Variants in MAP4K4 observed in about 807,000 individuals in gnomAD.
MAP4K4 encodes the protein HPK/GCK-like kinase HGK.
A neutral mutation model predicts 189.6 loss-of-function variants in MAP4K4; 38 were observed. The observed-to-expected ratio is 0.20, with a 90% CI of 0.15 to 0.26. The LOEUF is 0.26. Among genes scored for constraint, MAP4K4 ranks in the 10% least tolerant of loss-of-function variants. MAP4K4 has a pLI of 1.00. For missense variants in MAP4K4, 1,054 were observed against 1,726.9 expected, an observed-to-expected ratio of 0.61 and a Z score of 6.91; for synonymous variants, 610 against 624.3, an observed-to-expected ratio of 0.98 and a Z score of 0.34.
At chr2:101,809,111 A>C (rs1238927593) in intron 3 of MAP4K4, among the ~76,000 whole-genome samples, 1 of 152,196 alleles carries the variant, frequency 6.6e-6, no homozygotes, top group Non-Finnish European at 1.5e-5. Context: ...TGAATTCCTT[A>C]ATCTTGTTTA....
intron 2 of MAP4K4, among the ~76,000 whole-genome samples, chr2:101,720,185 GT>G (rs35562520): frequency 0.76 from 103,704 of 136,320 alleles, 39,155 homozygotes; most frequent in East Asian, 0.84. Flanking sequence ...GGTCAGTGGT[GT>G]TTTTTTTTTT....
intron 3 of MAP4K4, among the ~76,000 whole-genome samples, chr2:101,807,936 G>C (rs1166966555): frequency 6.6e-6 from 1 of 152,222 alleles, no homozygotes; most frequent in Non-Finnish European, 1.5e-5. Context: ...CCCACCTCAT[G>C]ATCTAGTTAC....
intron 2 of MAP4K4, among the ~76,000 whole-genome samples, chr2:101,761,031 T>G (rs2076153327): frequency 6.6e-6 from 1 of 152,146 alleles, no homozygotes; most frequent in Non-Finnish European, 1.5e-5. Flanking sequence ...GTGGAATGTT[T>G]AACATGTTGG....
At chr2:101,834,507 C>G in intron 8 of MAP4K4, 44 bp downstream of exon 8, 1 of 1,463,912 alleles carries the variant, frequency 6.8e-7, no homozygotes, top group Non-Finnish European at 9.5e-7. Flanking sequence ...TTACATGTGA[C>G]TTAAACCCCT....
In MAP4K4 at chr2:101,812,641, A is replaced by G. The variant is rs1215025722; in HGVS notation, c.181-11287A>G. On this transcript the variant is annotated intron_variant, in intron 3 of 32. Transcript: ENST00000324219. ...CAAAAAAAAAAATTGCTAATGACTT[A>G]GAGTATCTTTCTGGTGATTGTTTTT... Among the ~76,000 whole-genome samples, 3 of 152,054 alleles carry G rather than the reference A, an allele frequency of 2.0e-5. No homozygotes were observed. The East Asian group carries it at 5.8e-4, about 29-fold the overall frequency.
intron 2 of MAP4K4, among the ~76,000 whole-genome samples, chr2:101,778,683 A>G (rs1227093856): frequency 6.6e-6 from 1 of 152,160 alleles, no homozygotes; most frequent in Non-Finnish European, 1.5e-5. Flanking sequence ...AGGGAAGGGC[A>G]GGGAGTCGTA....
At chr2:101,790,334 AG>A (rs1407889249) in intron 2 of MAP4K4, among the ~76,000 whole-genome samples, 3 of 152,136 alleles carry the variant, frequency 2.0e-5, no homozygotes, top group South Asian at 2.1e-4. Context: ...AGAAAAAAAA[AG>A]TTTCTTTGAG....
chr2:101,870,495 T>A lies in MAP4K4; in HGVS notation c.2760+80T>A, dbSNP rs969382543. 5.1e-6 allele frequency: 8 copies of A among 1,556,096 alleles called. No individual in the cohort carries two copies. The African/African-American group carries it at 9.5e-5, about 19-fold the overall frequency. On this transcript the variant is annotated intron_variant, in intron 23 of 32. Transcript: ENST00000324219. Reference sequence around the variant, plus strand: ...CACTTGCTCATTCACTCACTCATGCTGTTTCTCCATCATCATCTGTTTTCA... The same window carrying A: ...CACTTGCTCATTCACTCACTCATGCAGTTTCTCCATCATCATCTGTTTTCA...
chr2:101,811,414 G>A (rs1283731222), intron 3 of MAP4K4, among the ~76,000 whole-genome samples: 1 of 144,526 alleles, frequency 6.9e-6, no homozygotes, highest in Non-Finnish European at 1.5e-5. Flanking sequence ...AGTTTTGCTG[G>A]CCTGTGGCTT....
Position 101,819,196 on chromosome 2 carries a change from G to A in MAP4K4, c.181-4732G>A, listed in dbSNP as rs1012855227. ...TCTTCCCAGGCCACATGAAGTGTTT[G>A]TTTTTGGTGGTGCTAGTGGTGGTGG... is the stretch of plus-strand genomic sequence containing the variant. On this transcript the variant is annotated intron_variant, in intron 3 of 32. Coordinates refer to ENST00000324219, the Ensembl canonical transcript of MAP4K4. 3.9e-5 allele frequency among the ~76,000 whole-genome samples: 6 copies of A among 152,240 alleles called. No individual in the cohort carries two copies. In the South Asian group the frequency reaches 1.2e-3, roughly 32 times the overall value.
intron 2 of MAP4K4, among the ~76,000 whole-genome samples, chr2:101,713,327 G>A (rs1482593413): frequency 6.6e-6 from 1 of 152,128 alleles, no homozygotes; most frequent in African/African-American, 2.4e-5. Flanking sequence ...GAGTGCAGTG[G>A]CTCATTCCTG....
At chr2:101,870,085 A>G in intron 22 of MAP4K4, 1 of 627,348 alleles carries the variant, frequency 1.6e-6, no homozygotes. Context: ...ATTAGCCATA[A>G]TTATTCATTC....
At chr2:101,742,847 T>C (rs1360586924) in intron 2 of MAP4K4, among the ~76,000 whole-genome samples, 1 of 152,176 alleles carries the variant, frequency 6.6e-6, no homozygotes. Flanking sequence ...TAGCAATAAC[T>C]AGCTCTACCT....
chr2:101,834,333 TG>T, intron 7 of MAP4K4, 75 bp from the exon 8 acceptor site: 1 of 1,102,344 alleles, frequency 9.1e-7, no homozygotes, highest in Non-Finnish European at 1.4e-6. Flanking sequence ...AGCAAAGTTG[TG>T]TGAATACCCA....
At chr2:101,704,563 A>ATTTTTTTTTTTTTT (rs1559013874) in intron 2 of MAP4K4, among the ~76,000 whole-genome samples, 1 of 47,222 alleles carries the variant, frequency 2.1e-5, no homozygotes, top group African/African-American at 1.6e-4. Context: ...ATATATATAT[A>ATTTTTTTTTTTTTT]TATATTTTTT....
intron 3 of MAP4K4, among the ~76,000 whole-genome samples, chr2:101,808,798 T>TTG (rs147383853): frequency 0.032 from 4,844 of 150,978 alleles, 173 homozygotes; most frequent in African/African-American, 0.088. Context: ...TTTAGTTTCA[T>TTG]TGTGTGTGTG....
chr2:101,865,760 A>G (rs919742110), intron 18 of MAP4K4, among the ~76,000 whole-genome samples: 5 of 152,238 alleles, frequency 3.3e-5, no homozygotes, highest in African/African-American at 4.8e-5. Flanking sequence ...CTGAACCTCT[A>G]AAGTTAGCCT....
At chr2:101,713,320 T>C (rs551020174) in intron 2 of MAP4K4, among the ~76,000 whole-genome samples, 1 of 152,158 alleles carries the variant, frequency 6.6e-6, no homozygotes, top group South Asian at 2.1e-4. Flanking sequence ...CTCTGCTGAG[T>C]GCAGTGGCTC....
intron 14 of MAP4K4, 115 bp from the exon 15 acceptor site, chr2:101,859,528 T>C: frequency 1.2e-6 from 1 of 816,454 alleles, no homozygotes; most frequent in Non-Finnish European, 1.9e-6. Context: ...TTTGCTTTCT[T>C]ACAAAACACA....
Sources: allele counts gnomAD v4.1 joint callset (sites outside exome capture counted in the v4.1 genomes callset), GRCh38; gene constraint gnomAD v4.1.1; transcripts MANE v1.5; gene names NCBI Gene and HGNC (gene_info 2026-07-23, HGNC 2026-07-21).